Variants in PARPBP observed in about 807,000 individuals in gnomAD.
The protein encoded by PARPBP is PCNA-interacting partner.
PARPBP carries 52 observed loss-of-function variants against 50.0 expected under a neutral mutation model. That is an observed-to-expected ratio of 1.04 (90% CI 0.83 to 1.31). The LOEUF (loss-of-function observed/expected upper bound fraction) is 1.31, where lower values mean the gene tolerates loss of function less well. Among genes scored for constraint, PARPBP ranks in the 50% most tolerant of loss-of-function variants. The pLI is 0.00. For synonymous variants in PARPBP, 244 were observed against 232.1 expected (o/e 1.05, Z -0.47); for missense variants, 697 against 672.0 (o/e 1.04, Z -0.41).
At chr12:102,194,728 A>G (rs1201222979) in intron 9 of PARPBP, among the ~76,000 whole-genome samples, 1 of 151,876 alleles carries the variant, frequency 6.6e-6, no homozygotes, top group African/African-American at 2.4e-5. Context: ...ACATTGAATC[A>G]TCTTTCTTGT....
chr12:102,151,664 C>T (rs769732945), intron 3 of PARPBP: 1 of 1,535,498 alleles, frequency 6.5e-7, no homozygotes, highest in South Asian at 1.2e-5. Context: ...GTGTCAGCCT[C>T]ATTGACTCTG....
intron 2 of PARPBP, among the ~76,000 whole-genome samples, chr12:102,127,921 T>A (rs1049532153): frequency 1.3e-5 from 2 of 152,204 alleles, no homozygotes; most frequent in Non-Finnish European, 2.9e-5. Flanking sequence ...CAAAAAATTG[T>A]ATTTATTTAT....
At chr12:102,137,272 G>A (rs1002618434) in intron 2 of PARPBP, among the ~76,000 whole-genome samples, 1 of 152,220 alleles carries the variant, frequency 6.6e-6, no homozygotes, top group African/African-American at 2.4e-5. Flanking sequence ...TGAAGTTTGA[G>A]AACATGAGTC....
intron 2 of PARPBP, among the ~76,000 whole-genome samples, chr12:102,125,503 C>T (rs573590173): frequency 5.9e-5 from 9 of 152,164 alleles, no homozygotes; most frequent in South Asian, 4.2e-4. Context: ...AAGGGACTAC[C>T]GCAGGCAAAG....
chr12:102,184,849 T>A (rs185279779), intron 9 of PARPBP, among the ~76,000 whole-genome samples: 22 of 152,290 alleles, frequency 1.4e-4, no homozygotes, highest in African/African-American at 5.3e-4. Context: ...AAAGTTCCTA[T>A]GGAAAAGTAG....
chr12:102,185,864 G>A (rs1414197207), intron 9 of PARPBP, among the ~76,000 whole-genome samples: 1 of 152,088 alleles, frequency 6.6e-6, no homozygotes, highest in Admixed American at 6.6e-5. Flanking sequence ...ATGTTGGCCA[G>A]GCTAGTCTCC....
chr12:102,192,413 T>C (rs146636953), intron 9 of PARPBP, among the ~76,000 whole-genome samples: 2 of 152,118 alleles, frequency 1.3e-5, no homozygotes, highest in Non-Finnish European at 2.9e-5. Context: ...CGGCCAGCAT[T>C]AGAAGCCAGG....
intron 9 of PARPBP, among the ~76,000 whole-genome samples, chr12:102,186,889 A>G (rs1890350572): frequency 6.6e-6 from 1 of 152,154 alleles, no homozygotes. Flanking sequence ...GACTTGGTAT[A>G]AAAAACTGGA....
chr12:102,128,687 C>A (rs148865666), intron 2 of PARPBP, among the ~76,000 whole-genome samples: 197 of 152,302 alleles, frequency 1.3e-3, no homozygotes, highest in Non-Finnish European at 2.1e-3. Flanking sequence ...GAATAGCATT[C>A]CATTGTGTAT....
At chr12:102,151,513 T>C in intron 3 of PARPBP, 2 of 1,264,174 alleles carry the variant, frequency 1.6e-6, no homozygotes, top group South Asian at 1.3e-5. Flanking sequence ...AATGGGGTCC[T>C]TTGGGTGGGT....
In PARPBP at chr12:102,185,801, C is replaced by A. The variant is rs1890246299; in HGVS notation, c.1263+3174C>A. ...CCCAAGTAGCTGGGATTACAGGCAC[C>A]CACCACCATGCCCAGCTAGTTTTTG... On this transcript the variant is annotated intron_variant, in intron 9 of 10. Transcript: ENST00000327680. Among the ~76,000 whole-genome samples, 5 of 151,806 alleles carry A rather than the reference C, an allele frequency of 3.3e-5. No individual in the cohort carries two copies. The South Asian group carries it at 1.0e-3, about 32-fold the overall frequency.
intron 4 of PARPBP, among the ~76,000 whole-genome samples, chr12:102,156,572 A>G (rs1380929580): frequency 1.3e-5 from 2 of 152,184 alleles, no homozygotes; most frequent in Non-Finnish European, 2.9e-5. Flanking sequence ...TGACAAGATG[A>G]GAATTTAAGA....
intron 2 of PARPBP, among the ~76,000 whole-genome samples, chr12:102,140,413 G>T (rs1032542724): frequency 6.6e-6 from 1 of 152,038 alleles, no homozygotes; most frequent in Middle Eastern, 3.4e-3. Flanking sequence ...CATCAATTTT[G>T]TTGATCCTTT....
At chr12:102,146,747 C>A (rs1320577115) in intron 2 of PARPBP, among the ~76,000 whole-genome samples, 1 of 152,074 alleles carries the variant, frequency 6.6e-6, no homozygotes, top group Non-Finnish European at 1.5e-5. Context: ...AGCTTCTGCA[C>A]AGCAAAAGAA....
rs1883350124 is a variant in PARPBP at position 102,134,592 on chromosome 12, C to G, written c.153+10551C>G. 2.6e-5 allele frequency among the ~76,000 whole-genome samples: 4 copies of G among 152,180 alleles called. No individual in the cohort carries two copies. In the South Asian group the frequency reaches 8.3e-4, roughly 32 times the overall value. ...ATGCAGAAGGGGGAACACTTTCCAG[C>G]TCATTTTATGAAGCCAGTAGGTAAG... On this transcript the variant is annotated intron_variant, in intron 2 of 10. Transcript: ENST00000327680.
intron 3 of PARPBP, chr12:102,150,475 T>G (rs549347618): frequency 2.4e-4 from 80 of 339,444 alleles, no homozygotes; most frequent in Non-Finnish European, 4.2e-4. Context: ...TGAAATAAGG[T>G]AGGGATTATG....
chr12:102,138,662 G>A (rs911569390), intron 2 of PARPBP, among the ~76,000 whole-genome samples: 5 of 152,158 alleles, frequency 3.3e-5, no homozygotes, highest in Non-Finnish European at 7.3e-5. Flanking sequence ...ATTAATTTTT[G>A]TATAAGGTGT....
chr12:102,182,862 A>G (rs778369068), intron 9 of PARPBP, among the ~76,000 whole-genome samples: 43 of 152,288 alleles, frequency 2.8e-4, no homozygotes, highest in Middle Eastern at 3.4e-3. Flanking sequence ...GGAAATGAAT[A>G]AGCAGTTGCT....
intron 2 of PARPBP, among the ~76,000 whole-genome samples, chr12:102,141,021 G>C (rs980985294): frequency 5.3e-5 from 8 of 152,210 alleles, no homozygotes; most frequent in African/African-American, 1.9e-4. Context: ...GAGCTGAGTT[G>C]AATTCCTGGA....
Sources: gnomAD v4.1 joint callset for allele counts (sites outside exome capture counted in the v4.1 genomes callset) on GRCh38, gnomAD v4.1.1 for gene constraint, MANE v1.5 for transcripts, NCBI Gene and HGNC (gene_info 2026-07-23, HGNC 2026-07-21) for gene names.